Variants in CASP10 observed in about 807,000 individuals in gnomAD.
The protein encoded by CASP10 is caspase 10.
Under a neutral mutation model 48.5 loss-of-function variants are expected in CASP10, and 41 were observed. That is an observed-to-expected ratio of 0.85 (90% confidence interval 0.66 to 1.10). The LOEUF is 1.10. Ranked by LOEUF, CASP10 falls within the 50% of genes least tolerant of loss-of-function variation. The pLI is 0.00. For synonymous variants in CASP10, 232 were observed against 238.4 expected, an observed-to-expected ratio of 0.97 and a Z score of 0.25; for missense variants, 614 against 614.5, an observed-to-expected ratio of 1.00 and a Z score of 0.01.
chr2:201,212,102 C>A (rs1945415683), intron 9 of CASP10, among the ~76,000 whole-genome samples: 1 of 152,148 alleles, frequency 6.6e-6, no homozygotes, highest in African/African-American at 2.4e-5. Flanking sequence ...GCATGTGCCA[C>A]CACGCCTGGC....
At chr2:201,197,797 T>A (rs1428736079) in intron 5 of CASP10, among the ~76,000 whole-genome samples, 1 of 152,246 alleles carries the variant, frequency 6.6e-6, no homozygotes, top group Non-Finnish European at 1.5e-5. Flanking sequence ...TGACTATTTT[T>A]AATAACGCTG....
At chr2:201,196,716 A>T (rs1403509479) in intron 5 of CASP10, among the ~76,000 whole-genome samples, 1 of 152,236 alleles carries the variant, frequency 6.6e-6, no homozygotes, top group Non-Finnish European at 1.5e-5. Flanking sequence ...AATTTTAAGT[A>T]TACAGTTCAG....
intron 4 of CASP10, chr2:201,193,331 C>A: frequency 2.3e-6 from 1 of 430,904 alleles, no homozygotes; most frequent in South Asian, 2.0e-5. Flanking sequence ...CCTCAACCTC[C>A]CGAGTAGCTG....
chr2:201,204,699 T>A (rs1047847183), intron 6 of CASP10, among the ~76,000 whole-genome samples: 4 of 152,226 alleles, frequency 2.6e-5, no homozygotes, highest in African/African-American at 9.6e-5. Context: ...CTTACTCTCC[T>A]AAGGCCAGGC....
chr2:201,208,446 C>T (rs1576124348), intron 8 of CASP10: 1 of 792,970 alleles, frequency 1.3e-6, no homozygotes, highest in South Asian at 5.8e-5. Context: ...TGGGCGTGAG[C>T]TCCAGCTCCA....
rs146684884 is a variant in CASP10 at position 201,185,903 on chromosome 2, C to G, written c.126C>G (p.Leu42=). 1 of 1,614,106 alleles carries G rather than the reference C, an allele frequency of 6.2e-7. No homozygotes were observed. Among genetic ancestry groups the G allele is most frequent in the African/African-American group, 1.3e-5 (1 of 75,040 alleles). The change falls in exon 2 of 10, where the codon CTC becomes CTG. Residue 42 remains leucine, a synonymous_variant. Transcript: ENST00000286186. Reference sequence around the variant, plus strand: ...AAGATGTGGAGAACCTCAAGTTTCTCTGCATAGGATTGGTCCCCAACAAGA... The same window carrying G: ...AAGATGTGGAGAACCTCAAGTTTCTGTGCATAGGATTGGTCCCCAACAAGA... The part of the protein sequence containing the change: ...GVQDVENLKF[L]CIGLVPNKKL...
intron 9 of CASP10, among the ~76,000 whole-genome samples, chr2:201,209,972 A>G (rs1945343509): frequency 6.6e-6 from 1 of 152,246 alleles, no homozygotes; most frequent in Admixed American, 6.5e-5. Context: ...TATAGGTGTT[A>G]TGGGAACATG....
chr2:201,203,645 C>T, intron 5 of CASP10, 85 bp from the exon 6 acceptor site: 11 of 1,185,310 alleles, frequency 9.3e-6, no homozygotes, highest in Admixed American at 1.7e-5. Flanking sequence ...GATATCTGTC[C>T]TTCCCTGCAT....
chr2:201,186,074 A>G lies in CASP10; in HGVS notation c.297A>G (p.Lys99=). 1 of 1,612,514 alleles carries G rather than the reference A, an allele frequency of 6.2e-7. No individual in the cohort carries two copies. The highest frequency in any genetic ancestry group is 1.1e-5 in the South Asian group (1 of 91,020). ...TGCTGCAGCACCTCAACTGTACCAA[A>G]GAGGAAGTGGAGCGACTGCTGCCCA... The part of the protein sequence containing the change: ...KKLLQHLNCT[K]EEVERLLPTR... The change falls in exon 2 of 10, where the codon AAA becomes AAG. Residue 99 remains lysine, a synonymous_variant. Transcript: ENST00000286186.
At chr2:201,184,671 T>G (rs1340384772) in intron 1 of CASP10, among the ~76,000 whole-genome samples, 1 of 152,220 alleles carries the variant, frequency 6.6e-6, no homozygotes, top group Non-Finnish European at 1.5e-5. Context: ...AATAGCCAAG[T>G]TCTGCATATT....
Position 201,209,130 on chromosome 2 carries a change from C to G in CASP10, c.983C>G (p.Thr328Arg). The G allele has an allele frequency of 6.2e-7, 1 of 1,609,502 alleles. No homozygotes were observed. The highest frequency in any genetic ancestry group is 1.1e-5 in the South Asian group (1 of 90,936). ...GFTVHIHNNV[T>R]KVEMEMVLQK... ...ACAGTGCATATACACAATAATGTGA[C>G]GAAAGTGGAAATGGAGATGGTCCTG... Residue 328 changes from threonine (T) to arginine (R), a missense_variant, in exon 9 of 10, where the codon ACG becomes AGG. By Grantham distance (71) the Thr-to-Arg change is moderately conservative (BLOSUM62 -1). Coordinates refer to ENST00000286186, the MANE Select transcript of CASP10 (RefSeq NM_032977.4).
intron 5 of CASP10, among the ~76,000 whole-genome samples, chr2:201,198,776 G>A (rs1309251583): frequency 1.4e-4 from 21 of 151,518 alleles, no homozygotes; most frequent in Non-Finnish European, 2.4e-4. Flanking sequence ...TCCTGACCTC[G>A]TGATCCACCC....
At chr2:201,224,087 T>C (rs1049204004), downstream of CASP10, among the ~76,000 whole-genome samples, 5 of 151,888 alleles carry the variant, frequency 3.3e-5, no homozygotes, top group Non-Finnish European at 7.4e-5. Context: ...TTCTCCTGCC[T>C]CAGCCTCCCG....
At chr2:201,187,659 C>T in intron 2 of CASP10, 47 bp from the exon 3 acceptor site, 2 of 1,333,796 alleles carry the variant, frequency 1.5e-6, no homozygotes, top group Non-Finnish European at 2.2e-6. Flanking sequence ...TTATGGTGTC[C>T]TCCACAAGTG....
intron 5 of CASP10, among the ~76,000 whole-genome samples, chr2:201,201,319 T>A (rs1182456758): frequency 6.6e-6 from 1 of 152,002 alleles, no homozygotes; most frequent in Non-Finnish European, 1.5e-5. Context: ...CATGAGCTAT[T>A]GTGCATGGCC....
At chr2:201,226,933 AATATG>A (rs1163626131) in intron 9 of CASP10, among the ~76,000 whole-genome samples, 4 of 152,170 alleles carry the variant, frequency 2.6e-5, no homozygotes, top group Admixed American at 6.5e-5. Context: ...TAATATATAT[AATATG>A]ATATGATTTA....
chr2:201,186,469 T>C (rs1944419632), intron 2 of CASP10: 2 of 324,954 alleles, frequency 6.2e-6, no homozygotes, highest in African/African-American at 2.1e-5. Context: ...CTAGTCTGTC[T>C]ACCTGTTTCC....
intron 1 of CASP10, among the ~76,000 whole-genome samples, chr2:201,183,662 C>T (rs965738924): frequency 1.3e-5 from 2 of 152,070 alleles, no homozygotes; most frequent in African/African-American, 4.8e-5. Context: ...GGGAAGATCC[C>T]CTGGATTATC....
At chr2:201,195,722 G>A (rs1205885593) in intron 4 of CASP10, 120 bp from the exon 5 acceptor site, 1 of 768,458 alleles carries the variant, frequency 1.3e-6, no homozygotes, top group Non-Finnish European at 2.4e-6. Flanking sequence ...TCTGTCCCCA[G>A]GCTGCAGTGC....
Sources: gnomAD v4.1 joint callset for allele counts (sites outside exome capture counted in the v4.1 genomes callset) on GRCh38, gnomAD v4.1.1 for gene constraint, MANE v1.5 for transcripts, NCBI Gene and HGNC (gene_info 2026-07-23, HGNC 2026-07-21) for gene names.